The following NBAS variants were observed in gnomAD, a reference collection of about 807,000 sequenced individuals.
The protein encoded by NBAS is NBAS subunit of NRZ tethering complex, also known as NAG/BC035112 fusion.
NBAS carries 219 observed loss-of-function variants against 302.5 expected under a neutral mutation model. The observed-to-expected ratio is 0.72, with a 90% confidence interval of 0.65 to 0.81. NBAS has a LOEUF of 0.81. NBAS is among the 30% of genes least tolerant of loss of function. The pLI is 0.00. For synonymous variants in NBAS, 1,118 were observed against 1,021.6 expected (o/e 1.09, Z -1.80); for missense variants, 2,932 against 2,841.6 (o/e 1.03, Z -0.72).
chr2:14,953,610 C>G, the NBAS span, among the ~76,000 whole-genome samples: 1 of 152,076 alleles, frequency 6.6e-6, no homozygotes, highest in Non-Finnish European at 1.5e-5. Context: ...CCTACCTGCC[C>G]AGGCACATAG....
the NBAS span, among the ~76,000 whole-genome samples, chr2:14,832,414 G>C: frequency 6.6e-6 from 1 of 152,162 alleles, no homozygotes; most frequent in Non-Finnish European, 1.5e-5. Context: ...AGGTAGGGAA[G>C]GATGACAGAC....
the NBAS span, among the ~76,000 whole-genome samples, chr2:14,855,397 G>A: frequency 6.6e-6 from 1 of 151,852 alleles, no homozygotes; most frequent in Admixed American, 6.6e-5. Flanking sequence ...AAAAGTAAAG[G>A]GGACTTTGTC....
chr2:15,131,311 G>C, the NBAS span, among the ~76,000 whole-genome samples: 147,778 of 152,266 alleles, frequency 0.97, 71,745 homozygotes, highest in East Asian at 1. Flanking sequence ...GGAGGAGAAC[G>C]AGACTATATT....
the NBAS span, among the ~76,000 whole-genome samples, chr2:14,925,273 C>A: frequency 6.6e-6 from 1 of 152,090 alleles, no homozygotes; most frequent in African/African-American, 2.4e-5. Context: ...TCATCTCATG[C>A]GCAATTTCCC....
At chr2:15,165,922 G>T (rs1274927504), downstream of NBAS, among the ~76,000 whole-genome samples, 2 of 152,170 alleles carry the variant, frequency 1.3e-5, no homozygotes, top group African/African-American at 4.8e-5. Flanking sequence ...TATTTCTTGG[G>T]GCAGAGGTAA....
chr2:15,520,108 G>A (rs1481820400), intron 9 of NBAS, among the ~76,000 whole-genome samples: 1 of 152,040 alleles, frequency 6.6e-6, no homozygotes, highest in African/African-American at 2.4e-5. Context: ...TTAAAATCAA[G>A]AAGTATGGAA....
chr2:15,502,677 T>C (rs977438020), intron 11 of NBAS, among the ~76,000 whole-genome samples: 1 of 152,200 alleles, frequency 6.6e-6, no homozygotes, highest in African/African-American at 2.4e-5. Flanking sequence ...CTTGCAGAAC[T>C]AGAAGTTGCT....
chr2:15,180,661 A>G (rs1282418410), intron 50 of NBAS, among the ~76,000 whole-genome samples: 2 of 152,198 alleles, frequency 1.3e-5, no homozygotes, highest in African/African-American at 4.8e-5. Context: ...CACAACACAC[A>G]CATTCTGTAT....
chr2:15,150,074 A>G, the NBAS span, among the ~76,000 whole-genome samples: 2 of 151,824 alleles, frequency 1.3e-5, no homozygotes, highest in Admixed American at 6.6e-5. Context: ...CTCAAAAAAA[A>G]AAAAAAAAAA....
At chr2:15,001,252 TAG>T in the NBAS span, among the ~76,000 whole-genome samples, 1 of 151,872 alleles carries the variant, frequency 6.6e-6, no homozygotes, top group African/African-American at 2.4e-5. Flanking sequence ...TATACACATA[TAG>T]AGAGAGAGAG....
At chr2:15,242,877 T>C (rs1451687077) in intron 44 of NBAS, among the ~76,000 whole-genome samples, 2 of 152,062 alleles carry the variant, frequency 1.3e-5, no homozygotes, top group Non-Finnish European at 2.9e-5. Flanking sequence ...AGTTAATAAA[T>C]AGGTACTAAA....
chr2:15,189,140 T>C (rs572492015), intron 49 of NBAS, among the ~76,000 whole-genome samples: 1 of 152,302 alleles, frequency 6.6e-6, no homozygotes. Context: ...TGTGAGAGCC[T>C]GCACTGTGGA....
At chr2:14,781,114 G>A in the NBAS span, among the ~76,000 whole-genome samples, 1 of 152,154 alleles carries the variant, frequency 6.6e-6, no homozygotes, top group Admixed American at 6.6e-5. Context: ...AATGTTCTCT[G>A]CCATCTCCCT....
the NBAS span, among the ~76,000 whole-genome samples, chr2:15,059,215 G>T: frequency 2.6e-5 from 4 of 152,170 alleles, no homozygotes; most frequent in Admixed American, 1.3e-4. Context: ...ACTCCAGTGG[G>T]CTCCACAAAT....
chr2:15,313,972 C>G (rs953639843), intron 38 of NBAS, among the ~76,000 whole-genome samples: 1 of 152,206 alleles, frequency 6.6e-6, no homozygotes, highest in Non-Finnish European at 1.5e-5. Context: ...AATAGTAATT[C>G]TATTTAAATT....
At chr2:15,158,335 G>A in the NBAS span, among the ~76,000 whole-genome samples, 6 of 152,190 alleles carry the variant, frequency 3.9e-5, no homozygotes, top group South Asian at 2.1e-4. Flanking sequence ...TCTCCCTTTC[G>A]GCAAGCCTGG....
At chr2:15,031,517 C>G in the NBAS span, among the ~76,000 whole-genome samples, 2 of 152,152 alleles carry the variant, frequency 1.3e-5, no homozygotes, top group Non-Finnish European at 2.9e-5. Flanking sequence ...AACTACCCAC[C>G]TCTGGTCTAT....
chr2:15,439,437 A>C (rs1280667979), intron 21 of NBAS, among the ~76,000 whole-genome samples: 2 of 152,130 alleles, frequency 1.3e-5, no homozygotes, highest in Non-Finnish European at 2.9e-5. Flanking sequence ...TGAGTAATTT[A>C]ACTGCACCCC....
At chr2:15,262,396 A>G (rs1160383607) in intron 44 of NBAS, among the ~76,000 whole-genome samples, 1 of 152,226 alleles carries the variant, frequency 6.6e-6, no homozygotes, top group Non-Finnish European at 1.5e-5. Context: ...ATTTTCTGGT[A>G]GTTAAACCAA....
Sources: gnomAD v4.1 joint callset for allele counts (sites outside exome capture counted in the v4.1 genomes callset) on GRCh38, gnomAD v4.1.1 for gene constraint, MANE v1.5 for transcripts, NCBI Gene and HGNC (gene_info 2026-07-23, HGNC 2026-07-21) for gene names.